The following SLC35F4 variants were observed in gnomAD, a reference collection of about 807,000 sequenced individuals.
The protein encoded by SLC35F4 is solute carrier family 35 member F4, also known as chromosome 14 open reading frame 36.
SLC35F4 carries 24 observed loss-of-function variants against 44.2 expected under a neutral mutation model. That is an observed-to-expected ratio of 0.54 (90% CI 0.39 to 0.76). The LOEUF (loss-of-function observed/expected upper bound fraction) is 0.76, where lower values mean the gene tolerates loss of function less well. Ranked by LOEUF, SLC35F4 falls within the 30% of genes least tolerant of loss-of-function variation. The probability of loss-of-function intolerance (pLI) is 0.00; values close to 1 mark genes in which losing one functional copy is unlikely to be tolerated. For synonymous variants in SLC35F4, 238 were observed against 223.6 expected (o/e 1.06, Z -0.57); for missense variants, 562 against 586.1 (o/e 0.96, Z 0.42).
chr14:57,780,269 T>C (rs913177609), intron 1 of SLC35F4, among the ~76,000 whole-genome samples: 2 of 152,000 alleles, frequency 1.3e-5, no homozygotes, highest in Non-Finnish European at 2.9e-5. Context: ...CAAAAATCAT[T>C]AGCATTCCTA....
At chr14:57,702,331 T>TAAAA (rs5808935) in intron 1 of SLC35F4, among the ~76,000 whole-genome samples, 2,463 of 136,404 alleles carry the variant, frequency 0.018, 39 homozygotes, top group African/African-American at 0.036. Context: ...TCATTTTCTT[T>TAAAA]AAAAAAAAAA....
At chr14:57,643,264 A>G (rs1261294644) in intron 1 of SLC35F4, among the ~76,000 whole-genome samples, 1 of 152,102 alleles carries the variant, frequency 6.6e-6, no homozygotes, top group Non-Finnish European at 1.5e-5. Context: ...CATAGAAAAC[A>G]CTGTAGCCTG....
intron 1 of SLC35F4, among the ~76,000 whole-genome samples, chr14:57,755,326 C>T (rs1319900746): frequency 1.3e-5 from 2 of 152,100 alleles, no homozygotes; most frequent in African/African-American, 4.8e-5. Flanking sequence ...GGCACTCTGC[C>T]AGGACAAATT....
At chr14:57,885,057 A>T (rs966273716) in intron 1 of SLC35F4, among the ~76,000 whole-genome samples, 2 of 152,136 alleles carry the variant, frequency 1.3e-5, no homozygotes, top group Non-Finnish European at 2.9e-5. Flanking sequence ...CCATTAGAAG[A>T]TATTTTATTT....
intron 1 of SLC35F4, among the ~76,000 whole-genome samples, chr14:57,824,412 G>A (rs1358133485): frequency 2.0e-5 from 3 of 152,112 alleles, no homozygotes; most frequent in Non-Finnish European, 4.4e-5. Flanking sequence ...GTAGAAGATA[G>A]ATAGATAGAT....
At chr14:57,589,566 A>G in intron 2 of SLC35F4, 53 bp from the exon 3 acceptor site, 1 of 1,485,050 alleles carries the variant, frequency 6.7e-7, no homozygotes, top group Non-Finnish European at 9.0e-7. Context: ...TGAAACAGCA[A>G]TCAAATATAT....
intron 1 of SLC35F4, among the ~76,000 whole-genome samples, chr14:57,745,459 T>G (rs1382540814): frequency 1.3e-5 from 2 of 152,250 alleles, no homozygotes; most frequent in Non-Finnish European, 2.9e-5. Flanking sequence ...AAGACATTTA[T>G]GCAGCCAACA....
chr14:57,656,580 G>T (rs2073980993), intron 1 of SLC35F4, among the ~76,000 whole-genome samples: 1 of 152,000 alleles, frequency 6.6e-6, no homozygotes, highest in Non-Finnish European at 1.5e-5. Context: ...AAGGATAGAA[G>T]TTCTTTAGCT....
At chr14:57,614,181 A>G (rs189378355) in intron 1 of SLC35F4, among the ~76,000 whole-genome samples, 98 of 106,744 alleles carry the variant, frequency 9.2e-4, no homozygotes, top group Admixed American at 3.2e-3. Context: ...GGAAACACAT[A>G]AAATAAAATC....
chr14:57,948,431 TG>T (rs1369263196), intron 1 of SLC35F4, among the ~76,000 whole-genome samples: 1 of 152,160 alleles, frequency 6.6e-6, no homozygotes, highest in Non-Finnish European at 1.5e-5. Flanking sequence ...CTTCTTTCCT[TG>T]GTTAATCTCA....
chr14:57,682,379 G>A (rs1253309092), intron 1 of SLC35F4, among the ~76,000 whole-genome samples: 2 of 152,072 alleles, frequency 1.3e-5, no homozygotes, highest in African/African-American at 2.4e-5. Context: ...TCATTCTCAG[G>A]AAACTAACGC....
rs143287987 is a variant in SLC35F4 at position 57,814,212 on chromosome 14, G to T, written c.103+51511C>A. ...TGTCAGAGCCCTTTTCACATAGTAG[G>T]CCATCAATAAATGTGCAATCAAGTT... On this transcript the variant is annotated intron_variant, in intron 1 of 7. Coordinates refer to ENST00000556826, the MANE Select transcript of SLC35F4 (RefSeq NM_001306087.2). 2.9e-3 allele frequency among the ~76,000 whole-genome samples: 442 copies of T among 152,256 alleles called. 1 individual carries two copies. The highest frequency in any genetic ancestry group is 1.0e-2 in the African/African-American group (414 of 41,540).
chr14:57,721,922 G>T (rs1309922466), intron 1 of SLC35F4, among the ~76,000 whole-genome samples: 1 of 151,960 alleles, frequency 6.6e-6, no homozygotes, highest in Non-Finnish European at 1.5e-5. Context: ...GCAAGATAAT[G>T]TTGATTCTCA....
chr14:57,762,318 T>C (rs1203498756), intron 1 of SLC35F4, among the ~76,000 whole-genome samples: 1 of 152,156 alleles, frequency 6.6e-6, no homozygotes, highest in Non-Finnish European at 1.5e-5. Flanking sequence ...ACTTTCATTT[T>C]GTTCTGTTTG....
At chr14:57,831,779 C>A (rs1445353063) in intron 1 of SLC35F4, among the ~76,000 whole-genome samples, 1 of 152,072 alleles carries the variant, frequency 6.6e-6, no homozygotes, top group African/African-American at 2.4e-5. Flanking sequence ...GAAACATTAA[C>A]TTTATCTTTA....
intron 1 of SLC35F4, among the ~76,000 whole-genome samples, chr14:57,952,258 G>A (rs1389780060): frequency 6.6e-6 from 1 of 152,066 alleles, no homozygotes; most frequent in African/African-American, 2.4e-5. Context: ...CAAAAAGGAT[G>A]TCCACACAAA....
intron 1 of SLC35F4, among the ~76,000 whole-genome samples, chr14:57,841,517 A>G (rs1265418830): frequency 6.6e-6 from 1 of 152,200 alleles, no homozygotes; most frequent in African/African-American, 2.4e-5. Context: ...GGAAACAAAG[A>G]CGACTCTGTA....
chr14:57,860,789 C>G (rs1887616809), intron 1 of SLC35F4, among the ~76,000 whole-genome samples: 1 of 152,206 alleles, frequency 6.6e-6, no homozygotes, highest in Admixed American at 6.5e-5. Flanking sequence ...TTCCACTAGT[C>G]TTTGATTCTA....
chr14:57,758,382 C>A (rs529316214), intron 1 of SLC35F4, among the ~76,000 whole-genome samples: 1 of 152,016 alleles, frequency 6.6e-6, no homozygotes, highest in African/African-American at 2.4e-5. Context: ...CTGTATGTAT[C>A]ATCTTGGATA....
Sources: gnomAD v4.1 joint callset for allele counts (sites outside exome capture counted in the v4.1 genomes callset) on GRCh38, gnomAD v4.1.1 for gene constraint, MANE v1.5 for transcripts, NCBI Gene and HGNC (gene_info 2026-07-23, HGNC 2026-07-21) for gene names.